SPIDR: variants seen among roughly 807,000 people sequenced by gnomAD.
SPIDR encodes the protein scaffold protein involved in DNA repair, also known as DNA repair-scaffolding protein.
SPIDR carries 93 observed loss-of-function variants against 104.6 expected under a neutral mutation model. The ratio of observed to expected loss-of-function variants is 0.89; its 90% CI spans 0.75 to 1.06. SPIDR has a LOEUF of 1.06. Among genes scored for constraint, SPIDR ranks in the 50% least tolerant of loss-of-function variants. SPIDR has a pLI of 0.00. For synonymous variants in SPIDR, 431 were observed against 416.9 expected (o/e 1.03, Z -0.41); for missense variants, 1,154 against 1,111.2 (o/e 1.04, Z -0.55).
intron 3 of SPIDR, 111 bp downstream of exon 3, chr8:47,284,205 T>A: frequency 1.4e-6 from 1 of 733,198 alleles, no homozygotes; most frequent in Non-Finnish European, 2.2e-6. Flanking sequence ...GGGTAGACTA[T>A]ATTCATAGTT....
chr8:47,405,087 A>G (rs542931223), intron 6 of SPIDR, among the ~76,000 whole-genome samples: 1 of 152,238 alleles, frequency 6.6e-6, no homozygotes, highest in African/African-American at 2.4e-5. Context: ...CATCATTCTG[A>G]GGAAACTGTC....
At chr8:47,673,214 G>A (rs887177109) in intron 10 of SPIDR, among the ~76,000 whole-genome samples, 2 of 152,184 alleles carry the variant, frequency 1.3e-5, no homozygotes, top group African/African-American at 4.8e-5. Flanking sequence ...TTAAAAGCTG[G>A]GGGGAATCCC....
chr8:47,539,411 G>T (rs1436884203), intron 8 of SPIDR, among the ~76,000 whole-genome samples: 1 of 152,158 alleles, frequency 6.6e-6, no homozygotes, highest in African/African-American at 2.4e-5. Context: ...GGACCACACA[G>T]GGCCCATCCT....
intron 8 of SPIDR, among the ~76,000 whole-genome samples, chr8:47,457,608 C>T (rs530362171): frequency 9.9e-5 from 15 of 151,960 alleles, no homozygotes; most frequent in African/African-American, 3.1e-4. Flanking sequence ...AATTAAGTTC[C>T]ACCTCTTTGT....
chr8:47,296,469 T>G (rs2040859090), intron 5 of SPIDR, among the ~76,000 whole-genome samples: 1 of 152,192 alleles, frequency 6.6e-6, no homozygotes, highest in Non-Finnish European at 1.5e-5. Flanking sequence ...GTCTAATTTC[T>G]TTCTTTTGCA....
intron 8 of SPIDR, among the ~76,000 whole-genome samples, chr8:47,590,457 T>C (rs1376588073): frequency 2.0e-5 from 3 of 152,234 alleles, no homozygotes; most frequent in Non-Finnish European, 2.9e-5. Flanking sequence ...TGTTGTTTAA[T>C]TTCAAAGTGT....
intron 2 of SPIDR, among the ~76,000 whole-genome samples, 166 bp downstream of exon 2, chr8:47,280,183 T>C (rs2037433507): frequency 6.6e-6 from 1 of 152,166 alleles, no homozygotes; most frequent in Non-Finnish European, 1.5e-5. Context: ...CTTTAATAAT[T>C]GTGGCAAGTT....
intron 8 of SPIDR, among the ~76,000 whole-genome samples, chr8:47,553,256 C>T (rs1291802196): frequency 1.3e-5 from 2 of 152,082 alleles, no homozygotes; most frequent in East Asian, 1.9e-4. Flanking sequence ...TTGCTCTTCT[C>T]GAGGAGTGTC....
intron 11 of SPIDR, among the ~76,000 whole-genome samples, chr8:47,678,844 C>T (rs545120380): frequency 3.9e-5 from 6 of 152,232 alleles, no homozygotes; most frequent in Non-Finnish European, 7.4e-5. Flanking sequence ...TTGATTTTTA[C>T]GGCAGCAGAT....
At chr8:47,658,492 C>A (rs1288881723) in intron 10 of SPIDR, among the ~76,000 whole-genome samples, 1 of 151,920 alleles carries the variant, frequency 6.6e-6, no homozygotes, top group African/African-American at 2.4e-5. Context: ...GTTGTGTCAG[C>A]GGTTTTATTT....
intron 5 of SPIDR, 199 bp downstream of exon 5, chr8:47,294,229 A>T (rs2040437532): frequency 1.8e-6 from 1 of 566,522 alleles, no homozygotes; most frequent in Non-Finnish European, 2.8e-6. Flanking sequence ...ATAAATATTG[A>T]TCTCACTTCT....
rs185559912 is a variant in SPIDR, at chr8:47,661,045, G to A, written c.1545-12756G>A. On this transcript the variant is annotated intron_variant, in intron 10 of 19. Coordinates refer to ENST00000297423, the MANE Select transcript of SPIDR (RefSeq NM_001080394.4). ...TGTCCGTGTCCATTCGTGTCATGTG[G>A]TGCCTGCTCCCCTGCACCACCGTCT... The A allele has an allele frequency of 8.4e-6, 7 of 837,150 alleles. 1 individual carries two copies. The East Asian group carries it at 6.2e-4, about 74-fold the overall frequency. The allele number at this position is 837,150 out of a possible 1,614,324, so 51.9% of individuals were successfully genotyped here. A position where few individuals can be genotyped will look rare whatever the true frequency, so the allele number is the denominator to read the frequency against.
chr8:47,357,618 T>C (rs1554626582), intron 5 of SPIDR, among the ~76,000 whole-genome samples: 1 of 152,216 alleles, frequency 6.6e-6, no homozygotes, highest in Non-Finnish European at 1.5e-5. Context: ...GTAGCATTTA[T>C]TTTCCTCACC....
intron 5 of SPIDR, among the ~76,000 whole-genome samples, chr8:47,353,217 GCC>G (rs2053893210): frequency 6.6e-6 from 1 of 152,012 alleles, no homozygotes; most frequent in Non-Finnish European, 1.5e-5. Flanking sequence ...TGTGTAGACT[GCC>G]TGCATACTTA....
rs562187996 is a variant in SPIDR at position 47,593,093 on chromosome 8, G to A, written c.1098-2718G>A. On this transcript the variant is annotated intron_variant, in intron 8 of 19. Coordinates refer to ENST00000297423, the MANE Select transcript of SPIDR (RefSeq NM_001080394.4). The stretch of plus-strand genomic sequence containing the variant: ...GTAGAGATAGGGTTTCTTCATGTTG[G>A]TCAGGCTGGTCTCGAACTCCTGACC... Among the ~76,000 whole-genome samples, 3 of 152,114 alleles carry A rather than the reference G, an allele frequency of 2.0e-5. No homozygotes were observed. The South Asian group carries it at 6.2e-4, about 32-fold the overall frequency.
chr8:47,314,886 G>C (rs782447323), intron 5 of SPIDR, among the ~76,000 whole-genome samples: 2 of 152,154 alleles, frequency 1.3e-5, no homozygotes, highest in African/African-American at 2.4e-5. Flanking sequence ...CCTGTATTCT[G>C]TCTACCAGAG....
intron 7 of SPIDR, among the ~76,000 whole-genome samples, chr8:47,423,477 C>T (rs554467205): frequency 6.6e-6 from 1 of 152,018 alleles, no homozygotes; most frequent in Admixed American, 6.6e-5. Context: ...TGGTTCACGC[C>T]TACAATCCCA....
intron 1 of SPIDR, among the ~76,000 whole-genome samples, chr8:47,264,937 G>A (rs1359262085): frequency 6.6e-6 from 1 of 152,128 alleles, no homozygotes; most frequent in Non-Finnish European, 1.5e-5. Flanking sequence ...ATCATATGAG[G>A]ACAAAGATAT....
intron 10 of SPIDR, among the ~76,000 whole-genome samples, chr8:47,603,633 A>G (rs1311683530): frequency 1.3e-5 from 2 of 151,266 alleles, no homozygotes; most frequent in Admixed American, 1.3e-4. Flanking sequence ...TGTAACCTCA[A>G]GCAATCCTCC....
Sources: gnomAD v4.1 joint callset for allele counts (sites outside exome capture counted in the v4.1 genomes callset) on GRCh38, gnomAD v4.1.1 for gene constraint, MANE v1.5 for transcripts, NCBI Gene and HGNC (gene_info 2026-07-23, HGNC 2026-07-21) for gene names.